The following USH2A variants were observed in gnomAD, a reference collection of about 807,000 sequenced individuals.
The protein encoded by USH2A is Usher syndrome 2A (autosomal recessive, mild).
USH2A carries 443 observed loss-of-function variants against 538.9 expected under a neutral mutation model. The ratio of observed to expected loss-of-function variants is 0.82; its 90% CI spans 0.76 to 0.89. The LOEUF is 0.89. Ranked by LOEUF, USH2A falls within the 40% of genes least tolerant of loss-of-function variation. The probability of loss-of-function intolerance (pLI) is 0.00; values close to 1 mark genes in which losing one functional copy is unlikely to be tolerated. For missense variants in USH2A, 6,633 were observed against 6,324.8 expected (o/e 1.05, Z -1.65); for synonymous variants, 2,413 against 2,273.5 (o/e 1.06, Z -1.75).
intron 58 of USH2A, among the ~76,000 whole-genome samples, chr1:215,753,097 A>G (rs901032407): frequency 3.3e-5 from 5 of 152,250 alleles, no homozygotes; most frequent in African/African-American, 1.2e-4. Context: ...AATGCAAGTC[A>G]AAACCACAAT....
intron 21 of USH2A, among the ~76,000 whole-genome samples, chr1:216,130,105 C>T (rs2033338448): frequency 6.6e-6 from 1 of 151,990 alleles, no homozygotes; most frequent in South Asian, 2.1e-4. Flanking sequence ...TATGAAACTA[C>T]TAGAAGAAAA....
chr1:215,968,015 C>A (rs1249332686), intron 36 of USH2A, among the ~76,000 whole-genome samples: 3 of 151,788 alleles, frequency 2.0e-5, no homozygotes, highest in Non-Finnish European at 4.4e-5. Context: ...AGTAAGAAAG[C>A]AAAGTGATTT....
Position 216,148,132 on chromosome 1 carries a change from C to T in USH2A, c.4627+27120G>A, listed in dbSNP as rs1038874453. On this transcript the variant is annotated intron_variant, in intron 21 of 71. Coordinates refer to ENST00000307340, the MANE Select transcript of USH2A (RefSeq NM_206933.4). ...CCTTCTTAATCAATACGGAGGCTAC[C>T]CACTCCACATTACCCTCTTTTCAAG... is the stretch of plus-strand genomic sequence containing the variant. 8.6e-5 allele frequency among the ~76,000 whole-genome samples: 13 copies of T among 151,784 alleles called. No individual in the cohort carries two copies. In the East Asian group the frequency reaches 1.2e-3, roughly 14 times the overall value.
chr1:215,992,829 T>G (rs1558199359), intron 35 of USH2A, among the ~76,000 whole-genome samples, 191 bp downstream of exon 35: 1 of 152,154 alleles, frequency 6.6e-6, no homozygotes, highest in Admixed American at 6.5e-5. Context: ...GGGAGCACTT[T>G]TGAGCCACCA....
At chr1:216,074,696 T>C (rs1384644852) in intron 27 of USH2A, among the ~76,000 whole-genome samples, 1 of 152,128 alleles carries the variant, frequency 6.6e-6, no homozygotes, top group Non-Finnish European at 1.5e-5. Flanking sequence ...TATGAAATCA[T>C]TGGCTGGAAA....
Position 215,650,744 on chromosome 1 carries a change from C to A in USH2A, c.14191G>T (p.Gly4731Trp), listed in dbSNP as rs148674752. ...CTGAGACCTTCTGGTGGGGCTGGCC[C>A]GGTTCTGCACCATGTCCAGCTACTG... ...APSSWTWCRT[G>W]PAPPEGLRAP... Residue 4731 changes from glycine to tryptophan, a missense_variant, in exon 65 of 72, where the codon GGG becomes TGG. By Grantham distance (184) the Gly-to-Trp change is radical (BLOSUM62 -2). Coordinates refer to ENST00000307340, the MANE Select transcript of USH2A (RefSeq NM_206933.4). 1.2e-6 allele frequency: 2 copies of A among 1,613,634 alleles called. No homozygotes were observed. The highest frequency in any genetic ancestry group is 1.7e-5 in the Admixed American group (1 of 59,948).
rs2030717766 is a variant in USH2A at position 216,050,560 on chromosome 1, T to TC, written c.6050-1914_6050-1913insG. Among the ~76,000 whole-genome samples the TC allele has an allele frequency of 2.7e-3, 96 of 35,700 alleles. 9 individuals are homozygous for TC. The highest frequency in any genetic ancestry group is 6.1e-3 in the African/African-American group (82 of 13,544). The allele number at this position is 35,700 out of a possible 152,430, so 23.4% of individuals were successfully genotyped here. ...ACATGCTACTAGACAATTTGTATCT[T>TC]TTTCTTTCTTTCTTTCTTTCTTTCT... On this transcript the variant is annotated intron_variant, in intron 30 of 71. Transcript: ENST00000307340.
At chr1:216,245,498 A>T (rs2102543325) in intron 13 of USH2A, among the ~76,000 whole-genome samples, 1 of 151,772 alleles carries the variant, frequency 6.6e-6, no homozygotes, top group East Asian at 1.9e-4. Context: ...AGAGAGAGAG[A>T]GAGAGAGAGA....
At chr1:215,649,382 AT>A (rs1450551393) in intron 65 of USH2A, among the ~76,000 whole-genome samples, 2 of 152,184 alleles carry the variant, frequency 1.3e-5, no homozygotes, top group African/African-American at 4.8e-5. Context: ...TTTTAACCTC[AT>A]TGTGGTTTTA....
chr1:216,072,614 T>C, intron 29 of USH2A: 1 of 474,946 alleles, frequency 2.1e-6, no homozygotes, highest in Non-Finnish European at 3.9e-6. Flanking sequence ...GGTGGGACTA[T>C]TACATCCTTA....
chr1:215,820,840 GT>G (rs1662991993), intron 47 of USH2A, among the ~76,000 whole-genome samples: 1 of 151,746 alleles, frequency 6.6e-6, no homozygotes, highest in Admixed American at 6.6e-5. Context: ...AACATGCAAT[GT>G]TTGTCTTTCT....
At position 216,232,082 on chromosome 1, in the gene USH2A, G is replaced by T. The variant is rs1189851884; in HGVS notation, c.2864C>A (p.Thr955Lys). The T allele has an allele frequency of 6.2e-6, 10 of 1,613,918 alleles. No individual in the cohort carries two copies. The Admixed American group carries it at 1.2e-4, about 19-fold the overall frequency. Residue 955 changes from threonine (T) to lysine (K), a missense_variant, in exon 14 of 72, where the codon ACA becomes AAA. Thr to Lys is a moderately conservative substitution (Grantham distance 78). Coordinates refer to ENST00000307340, the MANE Select transcript of USH2A (RefSeq NM_206933.4). The stretch of plus-strand genomic sequence containing the variant: ...ACAGATGTGATTAACTGCACCAGTT[G>T]TATGGCATGAGCATGGCAGGCAGCC... ...ATGCLPCSCH[T>K]TGAVNHICNS...
At chr1:215,979,992 AG>A (rs546461395) in intron 35 of USH2A, among the ~76,000 whole-genome samples, 473 of 152,320 alleles carry the variant, frequency 3.1e-3, no homozygotes, top group Non-Finnish European at 5.6e-3. Flanking sequence ...TTATAGTTTT[AG>A]AAGATGTTGA....
intron 3 of USH2A, among the ~76,000 whole-genome samples, chr1:216,417,326 A>G (rs2039592482): frequency 1.3e-5 from 2 of 152,032 alleles, no homozygotes; most frequent in African/African-American, 2.4e-5. Context: ...AAGGATGTAA[A>G]TGTCCTCTAG....
chr1:216,421,820 C>T, intron 2 of USH2A, 32 bp downstream of exon 2: 2 of 1,613,608 alleles, frequency 1.2e-6, no homozygotes, highest in African/African-American at 1.3e-5. Context: ...TTTTGGGGAC[C>T]TATGAAAGCT....
chr1:215,882,869 A>G (rs1244261804), intron 41 of USH2A, among the ~76,000 whole-genome samples: 1 of 152,166 alleles, frequency 6.6e-6, no homozygotes, highest in Non-Finnish European at 1.5e-5. Flanking sequence ...TAAAAATAAA[A>G]TTTGAAAATG....
At chr1:216,290,027 C>G (rs558061658) in intron 10 of USH2A, among the ~76,000 whole-genome samples, 37 of 152,080 alleles carry the variant, frequency 2.4e-4, no homozygotes, top group African/African-American at 8.7e-4. Flanking sequence ...TTAGATATAT[C>G]AGGTAATTCC....
intron 32 of USH2A, among the ~76,000 whole-genome samples, chr1:216,010,560 C>T (rs1193953255): frequency 1.3e-5 from 2 of 151,896 alleles, no homozygotes; most frequent in Admixed American, 6.6e-5. Context: ...AAGTCCATCC[C>T]CTTCTTAATC....
At chr1:216,205,343 G>T (rs1372974119) in intron 16 of USH2A, among the ~76,000 whole-genome samples, 1 of 152,166 alleles carries the variant, frequency 6.6e-6, no homozygotes, top group Non-Finnish European at 1.5e-5. Context: ...AGGTTTTCAG[G>T]ATACTTTGCC....
Sources: allele counts gnomAD v4.1 joint callset (sites outside exome capture counted in the v4.1 genomes callset), GRCh38; gene constraint gnomAD v4.1.1; transcripts MANE v1.5; gene names NCBI Gene and HGNC (gene_info 2026-07-23, HGNC 2026-07-21).